DENND1B: variants seen among roughly 807,000 people sequenced by gnomAD.
DENND1B encodes DENN domain containing 1B, also known as DENN domain-containing protein 1B.
Under a neutral mutation model 90.1 loss-of-function variants are expected in DENND1B, and 59 were observed. That is an observed-to-expected ratio of 0.65 (90% CI 0.53 to 0.81). DENND1B has a LOEUF of 0.81. DENND1B is among the 40% of genes least tolerant of loss of function. The pLI is 0.00. For missense variants in DENND1B, 862 were observed against 912.6 expected, an observed-to-expected ratio of 0.94 and a Z score of 0.71; for synonymous variants, 337 against 324.6, an observed-to-expected ratio of 1.04 and a Z score of -0.41.
intron 2 of DENND1B, among the ~76,000 whole-genome samples, chr1:197,718,295 A>G (rs1015213076): frequency 6.6e-6 from 1 of 151,984 alleles, no homozygotes; most frequent in African/African-American, 2.4e-5. Flanking sequence ...GAGAAACGTC[A>G]AAGGGCAATT....
At chr1:197,515,036 G>T (rs1668299654) in intron 20 of DENND1B, among the ~76,000 whole-genome samples, 1 of 151,574 alleles carries the variant, frequency 6.6e-6, no homozygotes, top group South Asian at 2.1e-4. Flanking sequence ...CACCAGAGAG[G>T]AATAACTTTC....
Position 197,672,077 on chromosome 1 carries a change from T to C in DENND1B, c.256A>G (p.Arg86Gly), listed in dbSNP as rs1396962867. ...IESKQRFGFC[R>G]LTSGGTICLC... ...CAAATTGTGCCTCCTGACGTCAGTC[T>C]GCAGAATCCAAATCTCTGTTTACTT... Residue 86 changes from arginine to glycine, a missense_variant, in exon 5 of 23, where the codon AGA becomes GGA. Transcript: ENST00000620048. 6.2e-7 allele frequency: 1 copy of C among 1,612,822 alleles called. No individual in the cohort carries two copies. The highest frequency in any genetic ancestry group is 1.7e-5 in the Admixed American group (1 of 59,882).
chr1:197,565,281 C>T (rs1246269831), intron 15 of DENND1B, among the ~76,000 whole-genome samples: 1 of 151,916 alleles, frequency 6.6e-6, no homozygotes, highest in Non-Finnish European at 1.5e-5. Flanking sequence ...ACTTTGGTCC[C>T]ACTCCTTTTA....
intron 2 of DENND1B, among the ~76,000 whole-genome samples, chr1:197,730,955 G>A (rs2102316230): frequency 6.6e-6 from 1 of 151,998 alleles, no homozygotes; most frequent in Non-Finnish European, 1.5e-5. Context: ...CTCAGAATAG[G>A]GTTGATCACT....
intron 2 of DENND1B, among the ~76,000 whole-genome samples, chr1:197,764,427 C>T (rs2102474299): frequency 6.6e-6 from 1 of 152,252 alleles, no homozygotes; most frequent in East Asian, 1.9e-4. Context: ...GGTCCTGTAA[C>T]CATGACATTA....
chr1:197,744,413 C>A (rs908572648), intron 2 of DENND1B, among the ~76,000 whole-genome samples: 3 of 152,192 alleles, frequency 2.0e-5, no homozygotes, highest in Admixed American at 2.0e-4. Flanking sequence ...TGTTAGCAAG[C>A]ATTAAAACTT....
intron 2 of DENND1B, among the ~76,000 whole-genome samples, chr1:197,765,823 G>A (rs919090210): frequency 5.3e-5 from 8 of 152,192 alleles, no homozygotes; most frequent in Non-Finnish European, 1.0e-4. Flanking sequence ...AGCACCTAAT[G>A]AGAAAGTGAT....
intron 12 of DENND1B, among the ~76,000 whole-genome samples, chr1:197,610,146 T>A (rs966566962): frequency 6.6e-6 from 1 of 150,792 alleles, no homozygotes; most frequent in African/African-American, 2.4e-5. Context: ...TAAGGCTGAC[T>A]ATTAAGACAC....
intron 10 of DENND1B, among the ~76,000 whole-genome samples, chr1:197,627,386 A>G (rs1209239349): frequency 2.0e-5 from 3 of 152,182 alleles, no homozygotes; most frequent in Non-Finnish European, 4.4e-5. Context: ...ACGCAAATCA[A>G]TAAATGTAAT....
chr1:197,761,893 T>C (rs1042942941), intron 2 of DENND1B: 1 of 151,958 alleles, frequency 6.6e-6, no homozygotes, highest in Non-Finnish European at 1.5e-5. Context: ...TTTGTGGTTT[T>C]TCAACAGCTC....
chr1:197,543,374 TG>T (rs1352766964), intron 18 of DENND1B, among the ~76,000 whole-genome samples: 2 of 152,192 alleles, frequency 1.3e-5, no homozygotes, highest in African/African-American at 4.8e-5. Flanking sequence ...GCTGCGCTTT[TG>T]TGAAAAATAT....
In DENND1B at chr1:197,540,043, G is replaced by C. The variant is rs1413182201; in HGVS notation, c.1436C>G (p.Ser479Cys). The part of the protein sequence containing the change: ...KENEEDYGTC[S>C]SSVQYTPVYK... ...AACTGGTGTATATTGTACAGAACTA[G>C]AACAGGTCCCATAATCTTCTTCATT... is the stretch of plus-strand genomic sequence containing the variant. The change falls in exon 20 of 23, where the codon TCT becomes TGT. Residue 479 changes from serine (S) to cysteine (C), a missense_variant. Transcript: ENST00000620048. 1 of 1,610,728 alleles carries C rather than the reference G, an allele frequency of 6.2e-7. No individual in the cohort carries two copies. The highest frequency in any genetic ancestry group is 1.7e-5 in the Admixed American group (1 of 59,542).
intron 15 of DENND1B, among the ~76,000 whole-genome samples, chr1:197,554,614 GGGATCA>G (rs1671544910): frequency 6.6e-6 from 1 of 151,608 alleles, no homozygotes; most frequent in South Asian, 2.1e-4. Flanking sequence ...CCGAGGTGGA[GGGATCA>G]CAAGGTCAAG....
chr1:197,566,465 A>G (rs1672678744), intron 15 of DENND1B, among the ~76,000 whole-genome samples: 1 of 152,086 alleles, frequency 6.6e-6, no homozygotes, highest in Admixed American at 6.6e-5. Flanking sequence ...AACAGAACAG[A>G]GCCCTCAGAA....
chr1:197,570,378 A>G (rs1205480853), intron 15 of DENND1B, among the ~76,000 whole-genome samples: 3 of 152,196 alleles, frequency 2.0e-5, no homozygotes, highest in African/African-American at 7.2e-5. Flanking sequence ...TTATCAAATA[A>G]TAAGTACTCA....
intron 3 of DENND1B, among the ~76,000 whole-genome samples, chr1:197,713,887 A>ATATGTAATATAT (rs1660318955): frequency 1.2e-5 from 1 of 86,688 alleles, no homozygotes; most frequent in African/African-American, 4.4e-5. Context: ...GTTATATATA[A>ATATGTAATATAT]TATATAATAT....
chr1:197,560,788 C>G (rs1314684123), intron 15 of DENND1B, among the ~76,000 whole-genome samples: 1 of 151,878 alleles, frequency 6.6e-6, no homozygotes, highest in Non-Finnish European at 1.5e-5. Context: ...CATTCACTCT[C>G]CCCATCCATT....
At chr1:197,558,321 AATTATAAAT>A (rs1671876933) in intron 15 of DENND1B, among the ~76,000 whole-genome samples, 1 of 54,070 alleles carries the variant, frequency 1.8e-5, no homozygotes, top group Non-Finnish European at 4.2e-5. Flanking sequence ...TAATTTCATA[AATTATAAAT>A]AGATAAAATT....
intron 10 of DENND1B, among the ~76,000 whole-genome samples, chr1:197,621,601 G>C (rs1272347378): frequency 6.6e-6 from 1 of 151,278 alleles, no homozygotes; most frequent in East Asian, 1.9e-4. Flanking sequence ...ATATCATATA[G>C]TCTTTCTTTG....
Sources: allele counts gnomAD v4.1 joint callset (sites outside exome capture counted in the v4.1 genomes callset), GRCh38; gene constraint gnomAD v4.1.1; transcripts MANE v1.5; gene names NCBI Gene and HGNC (gene_info 2026-07-23, HGNC 2026-07-21).